ST3GAL3: variants seen among roughly 807,000 people sequenced by gnomAD.
ST3GAL3 encodes ST3 beta-galactoside alpha-2,3-sialyltransferase 3, also known as CMP-N-acetylneuraminate-beta-1,4-galactoside alpha-2,3-sialyltransferase.
ST3GAL3 carries 21 observed loss-of-function variants against 50.1 expected under a neutral mutation model. That is an observed-to-expected ratio of 0.42 (90% CI 0.30 to 0.60). The LOEUF is 0.60. ST3GAL3 is among the 20% of genes least tolerant of loss of function. The pLI is 0.19. For synonymous variants in ST3GAL3, 183 were observed against 190.0 expected, an observed-to-expected ratio of 0.96 and a Z score of 0.30; for missense variants, 353 against 489.4, an observed-to-expected ratio of 0.72 and a Z score of 2.63.
At chr1:43,897,806 G>A (rs1445269678) in intron 6 of ST3GAL3, among the ~76,000 whole-genome samples, 1 of 152,202 alleles carries the variant, frequency 6.6e-6, no homozygotes, top group Non-Finnish European at 1.5e-5. Flanking sequence ...TTGTTTCCTG[G>A]TATCTGCTGG....
At chr1:43,884,772 A>C (rs2075707035) in intron 5 of ST3GAL3, among the ~76,000 whole-genome samples, 1 of 152,180 alleles carries the variant, frequency 6.6e-6, no homozygotes, top group South Asian at 2.1e-4. Context: ...AGTCATTGGG[A>C]GAAGTGGCTA....
At chr1:43,805,179 G>A (rs948784382) in intron 3 of ST3GAL3, among the ~76,000 whole-genome samples, 5 of 152,148 alleles carry the variant, frequency 3.3e-5, no homozygotes, top group African/African-American at 7.2e-5. Context: ...GCTAAACATC[G>A]AGCCCTCAGA....
chr1:43,925,758 G>A (rs566828853), intron 11 of ST3GAL3, among the ~76,000 whole-genome samples: 2 of 152,334 alleles, frequency 1.3e-5, no homozygotes, highest in South Asian at 2.1e-4. Context: ...GGGATGTCAA[G>A]GGAATCCATA....
intron 1 of ST3GAL3, among the ~76,000 whole-genome samples, chr1:43,729,334 C>T (rs1003656811): frequency 2.0e-5 from 3 of 152,118 alleles, no homozygotes; most frequent in Non-Finnish European, 4.4e-5. Flanking sequence ...TATTCCTTGG[C>T]CTCCCAAAGT....
chr1:43,850,324 G>A, intron 5 of ST3GAL3: 1 of 591,084 alleles, frequency 1.7e-6, no homozygotes, highest in Non-Finnish European at 2.9e-6. Context: ...CCAGGCAGAG[G>A]GAAGAGAGTG....
At chr1:43,778,935 C>T (rs1698387596) in intron 2 of ST3GAL3, among the ~76,000 whole-genome samples, 1 of 151,680 alleles carries the variant, frequency 6.6e-6, no homozygotes, top group Non-Finnish European at 1.5e-5. Context: ...GCGTGAGCCA[C>T]TGCGCCCGGC....
chr1:43,727,707 G>C (rs1170674702), intron 1 of ST3GAL3, among the ~76,000 whole-genome samples: 1 of 152,080 alleles, frequency 6.6e-6, no homozygotes, highest in East Asian at 1.9e-4. Flanking sequence ...ACATAACTTT[G>C]AAAAATCATT....
intron 5 of ST3GAL3, chr1:43,841,762 T>G (rs192790296): frequency 6.6e-6 from 1 of 152,354 alleles, no homozygotes; most frequent in East Asian, 1.9e-4. Context: ...TAGCAAGTGG[T>G]TACTCCACAG....
chr1:43,894,491 C>T lies in ST3GAL3; in HGVS notation c.397+14C>T. The stretch of plus-strand genomic sequence containing the variant: ...TCAAAGGTCAAGGTATGTTGGGAAC[C>T]CTGACCTACATTAACATCTCATCCC... On this transcript the variant is annotated intron_variant, in intron 6 of 11. Coordinates refer to ENST00000347631, the MANE Select transcript of ST3GAL3 (RefSeq NM_006279.5). The T allele has an allele frequency of 6.2e-7, 1 of 1,611,034 alleles. No homozygotes were observed.
intron 5 of ST3GAL3, among the ~76,000 whole-genome samples, chr1:43,882,711 G>A (rs2075344628): frequency 6.6e-6 from 1 of 152,178 alleles, no homozygotes; most frequent in South Asian, 2.1e-4. Flanking sequence ...GTCAAAAGCA[G>A]CCATACATTG....
intron 3 of ST3GAL3, among the ~76,000 whole-genome samples, chr1:43,810,232 C>T (rs2060396454): frequency 6.6e-6 from 1 of 152,050 alleles, no homozygotes; most frequent in Admixed American, 6.6e-5. Context: ...ATGCCAAACA[C>T]AGGAAAGATG....
chr1:43,852,811 C>T (rs3011224), intron 5 of ST3GAL3, among the ~76,000 whole-genome samples: 84,948 of 152,140 alleles, frequency 0.56, 27,633 homozygotes, highest in Non-Finnish European at 0.74. Flanking sequence ...TTATTTCACT[C>T]ATTAGTCAAG....
chr1:43,777,406 C>G (rs1697680616), intron 2 of ST3GAL3, among the ~76,000 whole-genome samples: 1 of 152,126 alleles, frequency 6.6e-6, no homozygotes, highest in Non-Finnish European at 1.5e-5. Flanking sequence ...ACCAAAACAG[C>G]TTGGTACTGG....
Position 43,858,270 on chromosome 1 carries a change from G to A in ST3GAL3, c.302+19959G>A, listed in dbSNP as rs796297938. ...GTGATGAGAGATTGACTGGGGAGACGTCCTGGTGAAGTCTGATGCCTGAAC... is the reference window on the plus strand; with the variant it reads ...GTGATGAGAGATTGACTGGGGAGACATCCTGGTGAAGTCTGATGCCTGAAC... On this transcript the variant is annotated intron_variant, in intron 5 of 11. Coordinates refer to ENST00000347631, the MANE Select transcript of ST3GAL3 (RefSeq NM_006279.5). 3.2e-4 allele frequency: 406 copies of A among 1,288,032 alleles called. 4 individuals are homozygous for A. The South Asian group carries it at 4.5e-3, about 14-fold the overall frequency. The allele number at this position is 1,288,032 out of a possible 1,614,324, so 79.8% of individuals were successfully genotyped here. A position where few individuals can be genotyped will look rare whatever the true frequency, so the allele number is the denominator to read the frequency against.
At chr1:43,885,055 C>A (rs957134314) in intron 5 of ST3GAL3, among the ~76,000 whole-genome samples, 2 of 152,214 alleles carry the variant, frequency 1.3e-5, no homozygotes, top group Admixed American at 6.5e-5. Context: ...GTGTTGAGGA[C>A]ATTCACCTTA....
intron 5 of ST3GAL3, among the ~76,000 whole-genome samples, chr1:43,873,751 A>G (rs186636972): frequency 6.6e-6 from 1 of 152,228 alleles, no homozygotes; most frequent in Non-Finnish European, 1.5e-5. Flanking sequence ...AGATCGCACC[A>G]CTGTACTCCA....
chr1:43,799,246 T>A (rs1035315178), intron 3 of ST3GAL3, among the ~76,000 whole-genome samples: 22 of 152,218 alleles, frequency 1.4e-4, no homozygotes, highest in Non-Finnish European at 2.9e-4. Flanking sequence ...GGATTTGGAT[T>A]TTTGTATTGA....
chr1:43,879,966 C>G (rs1272948356), intron 5 of ST3GAL3, among the ~76,000 whole-genome samples: 1 of 152,250 alleles, frequency 6.6e-6, no homozygotes, highest in African/African-American at 2.4e-5. Context: ...CACACAAACA[C>G]AGCCTTGGCG....
intron 2 of ST3GAL3, among the ~76,000 whole-genome samples, chr1:43,782,508 C>T (rs149535186): frequency 6.6e-6 from 1 of 152,280 alleles, no homozygotes; most frequent in Admixed American, 6.5e-5. Flanking sequence ...AATCCAGACT[C>T]CTAACTTGGT....
Sources: allele counts gnomAD v4.1 joint callset (sites outside exome capture counted in the v4.1 genomes callset), GRCh38; gene constraint gnomAD v4.1.1; transcripts MANE v1.5; gene names NCBI Gene and HGNC (gene_info 2026-07-23, HGNC 2026-07-21).